Variants in RPS6KA2 observed in about 807,000 individuals in gnomAD.
RPS6KA2 encodes the protein ribosomal protein S6 kinase alpha-2.
A neutral mutation model predicts 91.8 loss-of-function variants in RPS6KA2; 42 were observed. That is an observed-to-expected ratio of 0.46 (90% CI 0.36 to 0.59). RPS6KA2 has a LOEUF of 0.59. RPS6KA2 is among the 20% of genes least tolerant of loss of function. The pLI is 0.00. For synonymous variants in RPS6KA2, 414 were observed against 393.6 expected, an observed-to-expected ratio of 1.05 and a Z score of -0.61; for missense variants, 798 against 978.5, an observed-to-expected ratio of 0.82 and a Z score of 2.46.
In RPS6KA2 at chr6:166,490,182, C is replaced by G. The variant is rs1162237421; in HGVS notation, c.818+489G>C. Among the ~76,000 whole-genome samples the G allele has an allele frequency of 6.6e-6, 1 of 152,100 alleles. No homozygotes were observed. Among genetic ancestry groups the G allele is most frequent in the Non-Finnish European group, 1.5e-5 (1 of 68,028 alleles). ...CATGGTAAAACGATACCGAGTCCTG[C>G]CAAGGTCAACCAGGAGTGCTATATG... On this transcript the variant is annotated intron_variant, in intron 9 of 20. Coordinates refer to ENST00000265678, the MANE Select transcript of RPS6KA2 (RefSeq NM_021135.6). This position sits in a 1 kb window ranked among gnomAD's most constrained non-coding sequence, Gnocchi z 4.2.
intron 2 of RPS6KA2, among the ~76,000 whole-genome samples, chr6:166,798,400 C>T (rs1043371450): frequency 6.6e-6 from 1 of 152,240 alleles, no homozygotes; most frequent in Non-Finnish European, 1.5e-5. Flanking sequence ...CAAAGGTGGA[C>T]AACTCTGCTA....
intron 2 of RPS6KA2, among the ~76,000 whole-genome samples, chr6:166,736,759 A>C (rs1041357263): frequency 6.6e-6 from 1 of 152,160 alleles, no homozygotes; most frequent in Non-Finnish European, 1.5e-5. Context: ...TCAGGAAGTG[A>C]GCTCTCCTCT....
At chr6:166,771,423 C>T (rs117047983) in intron 2 of RPS6KA2, among the ~76,000 whole-genome samples, 321 of 152,252 alleles carry the variant, frequency 2.1e-3, no homozygotes, top group Non-Finnish European at 3.5e-3. Flanking sequence ...CCCGGAAGCG[C>T]GTGTGTCTAG....
intron 2 of RPS6KA2, among the ~76,000 whole-genome samples, chr6:166,682,756 G>A (rs1788870208): frequency 6.6e-6 from 1 of 152,196 alleles, no homozygotes; most frequent in African/African-American, 2.4e-5. Context: ...CCCACACCCA[G>A]CAAAATAACA....
At chr6:166,629,642 A>G (rs1365023625), upstream of RPS6KA2, among the ~76,000 whole-genome samples, 1 of 152,216 alleles carries the variant, frequency 6.6e-6, no homozygotes, top group Admixed American at 6.5e-5. Context: ...AATCCAAATT[A>G]TCCTTACCAA....
At chr6:166,593,572 A>C (rs577355962) in intron 1 of RPS6KA2, among the ~76,000 whole-genome samples, 5 of 152,220 alleles carry the variant, frequency 3.3e-5, no homozygotes, top group Admixed American at 6.5e-5. Context: ...TAATTTATAA[A>C]GGAAATAATT....
At chr6:166,817,001 A>G (rs1016731436) in intron 2 of RPS6KA2, among the ~76,000 whole-genome samples, 2 of 152,198 alleles carry the variant, frequency 1.3e-5, no homozygotes, top group African/African-American at 2.4e-5. Flanking sequence ...GCTTTCTCAG[A>G]TGATGCTGTG....
At chr6:166,802,408 C>CTATTTT (rs1779390018) in intron 2 of RPS6KA2, among the ~76,000 whole-genome samples, 1 of 152,078 alleles carries the variant, frequency 6.6e-6, no homozygotes, top group East Asian at 1.9e-4. Context: ...ATAGACTACA[C>CTATTTT]AAAACATAAG....
intron 2 of RPS6KA2, among the ~76,000 whole-genome samples, chr6:166,707,771 C>A (rs76265808): frequency 1.1e-4 from 17 of 151,562 alleles, no homozygotes; most frequent in Admixed American, 6.6e-5. Flanking sequence ...CAGGGTCTTA[C>A]TTTGTTGCCC....
chr6:166,702,063 C>A (rs1583032753), intron 2 of RPS6KA2: 3 of 1,222,622 alleles, frequency 2.5e-6, no homozygotes, highest in East Asian at 4.6e-5. Context: ...GACTTACAAG[C>A]CGCAGAGGTG....
intron 3 of RPS6KA2, among the ~76,000 whole-genome samples, chr6:166,518,238 T>C (rs1253207189): frequency 1.6e-5 from 1 of 61,174 alleles, no homozygotes; most frequent in Non-Finnish European, 3.0e-5. Context: ...GTGACAGGAG[T>C]AAAACACTGC....
At chr6:166,777,981 A>G (rs114382454) in intron 2 of RPS6KA2, among the ~76,000 whole-genome samples, 1,685 of 152,378 alleles carry the variant, frequency 0.011, 28 homozygotes, top group African/African-American at 0.035. Context: ...CAGTAAATAT[A>G]GCAATTTTTC....
intron 2 of RPS6KA2, among the ~76,000 whole-genome samples, chr6:166,735,706 CT>C (rs1790655693): frequency 6.6e-6 from 1 of 152,138 alleles, no homozygotes; most frequent in African/African-American, 2.4e-5. Context: ...TCTAATGCTG[CT>C]GCTGACCTGA....
At position 166,433,358 on chromosome 6, in the gene RPS6KA2, A is replaced by G. The variant is rs1779200639; in HGVS notation, c.1333-868T>C. On this transcript the variant is annotated intron_variant, in intron 14 of 20. Coordinates refer to ENST00000265678, the MANE Select transcript of RPS6KA2 (RefSeq NM_021135.6). This position sits in a 1 kb window ranked among gnomAD's most constrained non-coding sequence, Gnocchi z 4.4. ...ATAAAGTTGCTTCAACCCCATGGAGACATATGGTTTCTGAGGACAGGGTGT... is the reference window on the plus strand; with the variant it reads ...ATAAAGTTGCTTCAACCCCATGGAGGCATATGGTTTCTGAGGACAGGGTGT... Among the ~76,000 whole-genome samples the G allele has an allele frequency of 1.3e-5, 2 of 151,954 alleles. No homozygotes were observed. The highest frequency in any genetic ancestry group is 2.9e-5 in the Non-Finnish European group (2 of 67,994).
intron 3 of RPS6KA2, among the ~76,000 whole-genome samples, chr6:166,519,531 T>C (rs1782773688): frequency 6.6e-6 from 1 of 152,200 alleles, no homozygotes; most frequent in Admixed American, 6.5e-5. Context: ...CAGCAACCTG[T>C]GCCTACTGGT....
At chr6:166,468,707 T>C (rs1306616025) in intron 11 of RPS6KA2, among the ~76,000 whole-genome samples, 1 of 150,946 alleles carries the variant, frequency 6.6e-6, no homozygotes, top group Non-Finnish European at 1.5e-5. Context: ...ACTAAAAATA[T>C]AAAAAAAATT....
chr6:166,714,038 G>C (rs544229932), intron 2 of RPS6KA2, among the ~76,000 whole-genome samples: 5 of 152,306 alleles, frequency 3.3e-5, no homozygotes, highest in Admixed American at 3.3e-4. Context: ...AGCCCAGTTG[G>C]GTTAGGCTTC....
At chr6:166,841,873 C>G (rs148179546) in intron 2 of RPS6KA2, among the ~76,000 whole-genome samples, 48 of 152,292 alleles carry the variant, frequency 3.2e-4, no homozygotes, top group African/African-American at 1.2e-3. Context: ...AAAATATTCT[C>G]TAATCACCAA....
intron 2 of RPS6KA2, among the ~76,000 whole-genome samples, chr6:166,713,543 G>A (rs1334895410): frequency 6.6e-6 from 1 of 152,046 alleles, no homozygotes; most frequent in East Asian, 1.9e-4. Context: ...CACAGCCCTG[G>A]GGAGAAATAC....
Sources: gnomAD v4.1 joint callset for allele counts (sites outside exome capture counted in the v4.1 genomes callset) on GRCh38, gnomAD v4.1.1 for gene constraint, Gnocchi (gnomAD v3.1) non-coding constraint, MANE v1.5 for transcripts, NCBI Gene and HGNC (gene_info 2026-07-23, HGNC 2026-07-21) for gene names.